Variants in NTAN1 observed in about 807,000 individuals in gnomAD.
NTAN1 encodes the protein N-terminal asparagine amidase, also known as protein N-terminal asparagine amidohydrolase.
A neutral mutation model predicts 41.9 loss-of-function variants in NTAN1; 32 were observed. The ratio of observed to expected loss-of-function variants is 0.76; its 90% CI spans 0.58 to 1.03. NTAN1 has a LOEUF of 1.03. Among genes scored for constraint, NTAN1 ranks in the 50% least tolerant of loss-of-function variants. The pLI is 0.00. For synonymous variants in NTAN1, 140 were observed against 139.5 expected (o/e 1.00, Z -0.03); for missense variants, 377 against 377.5 (o/e 1.00, Z 0.01).
chr16:15,055,918 G>A lies in NTAN1; in HGVS notation c.54C>T (p.Asp18=). 2 of 1,232,852 alleles carry A rather than the reference G, an allele frequency of 1.6e-6. No individual in the cohort carries two copies. The highest frequency in any genetic ancestry group is 3.9e-5 in the South Asian group (1 of 25,514). 76.4% of individuals were successfully genotyped at this position (1,232,852 alleles called of 1,614,324 possible). The part of the protein sequence containing the change: ...RRVRLPQSAG[D]LVRAHPPLEE... Reference sequence around the variant, plus strand: ...CCAAAGGCGGGTGGGCTCGGACGAGGTCCCCGGCTGACTGCGGCAGCCGCA... The same window carrying A: ...CCAAAGGCGGGTGGGCTCGGACGAGATCCCCGGCTGACTGCGGCAGCCGCA... Residue 18 remains aspartate (D), a synonymous_variant, in exon 1 of 10, where the codon GAC becomes GAT. Coordinates refer to ENST00000287706, the MANE Select transcript of NTAN1 (RefSeq NM_173474.4).
chr16:15,056,040 G>GCCGCCC lies in NTAN1; in HGVS notation c.-75_-70dup, dbSNP rs959444079. On this transcript the variant is annotated 5_prime_UTR_variant, in exon 1 of 10. Coordinates refer to ENST00000287706, the MANE Select transcript of NTAN1 (RefSeq NM_173474.4). ...CCCGCTTTGCAGCCCCGGGCCGCCC[G>GCCGCCC]CCGCCCCCGCCCCTCGGGCCGCGCG... 4.9e-5 allele frequency: 33 copies of GCCGCCC among 677,060 alleles called. No homozygotes were observed. The highest frequency in any genetic ancestry group is 6.1e-4 in the Middle Eastern group (1 of 1,636). 41.9% of individuals were successfully genotyped at this position (677,060 alleles called of 1,614,324 possible). A position where few individuals can be genotyped will look rare whatever the true frequency, so the allele number is the denominator to read the frequency against.
chr16:15,047,385 C>T (rs576213883), intron 4 of NTAN1, 57 bp downstream of exon 4: 9 of 1,124,702 alleles, frequency 8.0e-6, no homozygotes, highest in Middle Eastern at 2.0e-4. Context: ...ACAGCCACGT[C>T]CTGTATGCGA....
chr16:15,054,532 C>T (rs954789543), intron 1 of NTAN1, among the ~76,000 whole-genome samples: 3 of 152,212 alleles, frequency 2.0e-5, no homozygotes, highest in African/African-American at 7.2e-5. Flanking sequence ...GACAGTAACA[C>T]AACGCAAGGA....
intron 1 of NTAN1, among the ~76,000 whole-genome samples, chr16:15,050,241 T>C (rs779550246): frequency 3.0e-4 from 46 of 152,348 alleles, no homozygotes; most frequent in Middle Eastern, 3.4e-3. Flanking sequence ...AAATATTAAA[T>C]TGATACAACA....
intron 4 of NTAN1, 122 bp from the exon 5 acceptor site, chr16:15,044,529 TC>T: frequency 1.4e-6 from 1 of 704,264 alleles, no homozygotes; most frequent in Non-Finnish European, 2.5e-6. Flanking sequence ...CTGCAGGTCA[TC>T]TTCGTGCCAC....
At position 15,037,979 on chromosome 16, in the gene NTAN1, C is replaced by T; in HGVS notation, c.*52G>A. ...TCCAGATCTGGATTCGTGCCAGCCC[C>T]ACCAATGGTCTGTCAGGCCAAGAAG... is the stretch of plus-strand genomic sequence containing the variant. On this transcript the variant is annotated 3_prime_UTR_variant, in exon 10 of 10. Coordinates refer to ENST00000287706, the MANE Select transcript of NTAN1 (RefSeq NM_173474.4). The T allele has an allele frequency of 6.4e-6, 9 of 1,402,146 alleles. No individual in the cohort carries two copies. The highest frequency in any genetic ancestry group is 9.0e-6 in the Non-Finnish European group (9 of 1,000,426). The allele number at this position is 1,402,146 out of a possible 1,614,324, so 86.9% of individuals were successfully genotyped here. A position where few individuals can be genotyped will look rare whatever the true frequency, so the allele number is the denominator to read the frequency against.
At chr16:15,042,807 A>T (rs4985151) in intron 5 of NTAN1, among the ~76,000 whole-genome samples, 11,846 of 151,828 alleles carry the variant, frequency 0.078, 595 homozygotes, top group Non-Finnish European at 0.11. Context: ...ATCTCAGCTC[A>T]CTGCAACCTC....
At chr16:15,038,863 T>C (rs906408834) in intron 8 of NTAN1, among the ~76,000 whole-genome samples, 176 bp from the exon 9 acceptor site, 11 of 152,246 alleles carry the variant, frequency 7.2e-5, no homozygotes, top group African/African-American at 2.7e-4. Flanking sequence ...TGTCTGCTTC[T>C]GCACACTGTG....
chr16:15,038,556 C>T lies in NTAN1; in HGVS notation c.753+18G>A. 1 of 1,348,716 alleles carries T rather than the reference C, an allele frequency of 7.4e-7. No homozygotes were observed. The highest frequency in any genetic ancestry group is 1.1e-6 in the Non-Finnish European group (1 of 943,018). 83.5% of individuals were successfully genotyped at this position (1,348,716 alleles called of 1,614,324 possible). ...AGGGTGCAGAGATTTAAGACTTACC[C>T]AGCCTGTAAACTCTCACCTCTAGTA... On this transcript the variant is annotated intron_variant, in intron 9 of 9. Transcript: ENST00000287706.
intron 8 of NTAN1, among the ~76,000 whole-genome samples, chr16:15,039,469 TCTAA>T (rs1044158311): frequency 4.6e-5 from 7 of 152,238 alleles, no homozygotes; most frequent in Non-Finnish European, 7.3e-5. Context: ...TTTTCAGTTT[TCTAA>T]CTTTTAAAAT....
chr16:15,055,562 C>A (rs191529736), intron 1 of NTAN1, among the ~76,000 whole-genome samples: 5 of 152,244 alleles, frequency 3.3e-5, no homozygotes. Flanking sequence ...ACGGACCCAG[C>A]CCTATGGGGG....
chr16:15,051,522 C>CTGT (rs1313403201), intron 1 of NTAN1, among the ~76,000 whole-genome samples: 1 of 151,628 alleles, frequency 6.6e-6, no homozygotes, highest in Non-Finnish European at 1.5e-5. Context: ...AGTTTTTGTA[C>CTGT]TGTTTGTAGA....
chr16:15,053,935 A>C lies in NTAN1; in HGVS notation c.81+1956T>G, dbSNP rs371963014. On this transcript the variant is annotated intron_variant, in intron 1 of 9. Transcript: ENST00000287706. ...TCAAAAAAACCAACCAACCAAACAA[A>C]CAAACAAAAAACCCAACCTTTAATG... Among the ~76,000 whole-genome samples, 49 of 152,240 alleles carry C rather than the reference A, an allele frequency of 3.2e-4. No individual in the cohort carries two copies. In the South Asian group the frequency reaches 7.5e-3, roughly 23 times the overall value.
intron 1 of NTAN1, among the ~76,000 whole-genome samples, chr16:15,051,387 C>A (rs2044284690): frequency 6.6e-6 from 1 of 152,266 alleles, no homozygotes; most frequent in Non-Finnish European, 1.5e-5. Context: ...CAGGGTCTTA[C>A]TGTCTCCCAG....
chr16:15,054,668 CCTTCAGA>C (rs1189126556), intron 1 of NTAN1, among the ~76,000 whole-genome samples: 2 of 152,114 alleles, frequency 1.3e-5, no homozygotes, highest in African/African-American at 4.8e-5. Flanking sequence ...TCCTTGTCAC[CCTTCAGA>C]ACACGTTCAG....
chr16:15,041,790 C>T lies in NTAN1; in HGVS notation c.434-114G>A, dbSNP rs1190692288. 5.2e-6 allele frequency: 4 copies of T among 765,996 alleles called. No homozygotes were observed. The East Asian group carries it at 7.8e-5, about 15-fold the overall frequency. The allele number at this position is 765,996 out of a possible 1,614,324, so 47.4% of individuals were successfully genotyped here. ...GGCAGCCAACTGAGTGTGCTCCGCC[C>T]TACAGCCCGCGCCCACACTGCCACA... On this transcript the variant is annotated intron_variant, in intron 5 of 9. Coordinates refer to ENST00000287706, the MANE Select transcript of NTAN1 (RefSeq NM_173474.4).
rs1259022150 is a variant in NTAN1, at chr16:15,040,058, T to C, written c.550A>G (p.Ile184Val). ...GCTCTGTAAATCTCTGCAGTCTTAA[T>C]GTTGACAGCTGTGAGGGACAACAGG... ...FPVIYGIAVN[I>V]KTAEIYRASF... The change falls in exon 8 of 10, where the codon ATT becomes GTT. Residue 184 changes from isoleucine (I) to valine (V), a missense_variant. Ile to Val is a conservative substitution (Grantham distance 29). Transcript: ENST00000287706. 6.3e-7 allele frequency: 1 copy of C among 1,594,424 alleles called. No individual in the cohort carries two copies. Among genetic ancestry groups the C allele is most frequent in the Non-Finnish European group, 8.6e-7 (1 of 1,163,406 alleles).
At chr16:15,052,220 G>T (rs1457946548) in intron 1 of NTAN1, among the ~76,000 whole-genome samples, 1 of 152,114 alleles carries the variant, frequency 6.6e-6, no homozygotes, top group Non-Finnish European at 1.5e-5. Flanking sequence ...ATACAGATGT[G>T]GCTGTGTTCC....
At chr16:15,048,373 T>C (rs1237456409) in intron 1 of NTAN1, among the ~76,000 whole-genome samples, 1 of 152,218 alleles carries the variant, frequency 6.6e-6, no homozygotes, top group African/African-American at 2.4e-5. Flanking sequence ...TCCTTTATTA[T>C]AGTTTTTTGT....
Sources: gnomAD v4.1 joint callset for allele counts (sites outside exome capture counted in the v4.1 genomes callset) on GRCh38, gnomAD v4.1.1 for gene constraint, MANE v1.5 for transcripts, NCBI Gene and HGNC (gene_info 2026-07-23, HGNC 2026-07-21) for gene names.